ITGA8: variants seen among roughly 807,000 people sequenced by gnomAD.
The protein encoded by ITGA8 is integrin subunit alpha 8.
A neutral mutation model predicts 142.3 loss-of-function variants in ITGA8; 91 were observed. The observed-to-expected ratio is 0.64, with a 90% CI of 0.54 to 0.76. The LOEUF is 0.76. ITGA8 is among the 30% of genes least tolerant of loss of function. ITGA8 has a pLI of 0.00. For missense variants in ITGA8, 1,406 were observed against 1,327.7 expected (o/e 1.06, Z -0.92); for synonymous variants, 505 against 485.2 (o/e 1.04, Z -0.54).
At chr10:15,705,193 G>A (rs192755866) in intron 2 of ITGA8, among the ~76,000 whole-genome samples, 27 of 152,194 alleles carry the variant, frequency 1.8e-4, no homozygotes, top group African/African-American at 6.5e-4. Flanking sequence ...AAGGCAAAAG[G>A]TTACTTATCC....
Position 15,719,834 on chromosome 10 carries a change from A to G in ITGA8, c.-63T>C, listed in dbSNP as rs1835531163. ...GCGAGCCGAGGACCCCTGCGGGGCA[A>G]GGGGGGCTGGTGGAATCTGGCGGTC... On this transcript the variant is annotated 5_prime_UTR_variant, in exon 1 of 30. Coordinates refer to ENST00000378076, the MANE Select transcript of ITGA8 (RefSeq NM_003638.3). 4 of 1,175,194 alleles carry G rather than the reference A, an allele frequency of 3.4e-6. No homozygotes were observed. Among genetic ancestry groups the G allele is most frequent in the African/African-American group, 1.6e-5 (1 of 62,410 alleles). 72.8% of individuals were successfully genotyped at this position (1,175,194 alleles called of 1,614,324 possible). A position where few individuals can be genotyped will look rare whatever the true frequency, so the allele number is the denominator to read the frequency against.
chr10:15,623,604 T>C (rs945850272), intron 13 of ITGA8, among the ~76,000 whole-genome samples: 8 of 152,116 alleles, frequency 5.3e-5, no homozygotes, highest in African/African-American at 1.7e-4. Flanking sequence ...GGGAATCGCT[T>C]GAACCCAGGA....
chr10:15,691,196 T>C (rs765913505), intron 2 of ITGA8, among the ~76,000 whole-genome samples: 5 of 152,072 alleles, frequency 3.3e-5, no homozygotes, highest in African/African-American at 4.8e-5. Flanking sequence ...AGATAACAAG[T>C]GTTGTGGAGG....
intron 8 of ITGA8, among the ~76,000 whole-genome samples, chr10:15,667,813 A>G (rs1834425670): frequency 6.6e-6 from 1 of 151,958 alleles, no homozygotes; most frequent in African/African-American, 2.4e-5. Flanking sequence ...TTCAGTTTCC[A>G]TGTAGTTGAG....
chr10:15,670,828 T>A (rs1834500002), intron 8 of ITGA8, among the ~76,000 whole-genome samples: 1 of 152,192 alleles, frequency 6.6e-6, no homozygotes, highest in African/African-American at 2.4e-5. Flanking sequence ...GCCCAGACTT[T>A]GCTCGAAGCC....
At chr10:15,684,213 T>C (rs1403682963) in intron 3 of ITGA8, 86 bp from the exon 4 acceptor site, 1 of 1,394,496 alleles carries the variant, frequency 7.2e-7, no homozygotes, top group Admixed American at 2.3e-5. Context: ...TATAACAAAC[T>C]GTTAAATTAT....
chr10:15,562,145 C>A (rs1039416136), intron 25 of ITGA8, among the ~76,000 whole-genome samples: 1 of 152,152 alleles, frequency 6.6e-6, no homozygotes, highest in Non-Finnish European at 1.5e-5. Flanking sequence ...TGTGGGGGCA[C>A]AAAGCCTAAC....
chr10:15,615,592 C>T lies in ITGA8; in HGVS notation c.1445+922G>A, dbSNP rs553779225. Among the ~76,000 whole-genome samples the T allele has an allele frequency of 1.6e-3, 243 of 152,310 alleles. 2 individuals are homozygous for T. The highest frequency in any genetic ancestry group is 5.7e-3 in the African/African-American group (235 of 41,558). ...GCAGTGGCACAATCTCTGCTCACTACAACCTCGACCTCTCAGGGTCAAGTG... is the reference window on the plus strand; with the variant it reads ...GCAGTGGCACAATCTCTGCTCACTATAACCTCGACCTCTCAGGGTCAAGTG... On this transcript the variant is annotated intron_variant, in intron 14 of 29. Transcript: ENST00000378076.
At chr10:15,600,128 T>C (rs1309400948) in intron 20 of ITGA8, among the ~76,000 whole-genome samples, 1 of 152,246 alleles carries the variant, frequency 6.6e-6, no homozygotes. Context: ...ATTACTATTA[T>C]ACTTTAAGTT....
intron 27 of ITGA8, among the ~76,000 whole-genome samples, chr10:15,546,997 C>T (rs1283790476): frequency 6.6e-6 from 1 of 151,800 alleles, no homozygotes; most frequent in Non-Finnish European, 1.5e-5. Context: ...CATATTAAAT[C>T]ATAGAAAACA....
Position 15,678,771 on chromosome 10 carries a change from G to A in ITGA8, c.581C>T (p.Pro194Leu), listed in dbSNP as rs147097597. 1.8e-4 allele frequency: 285 copies of A among 1,605,670 alleles called. No individual in the cohort carries two copies. The highest frequency in any genetic ancestry group is 1.5e-4 in the Non-Finnish European group (180 of 1,172,964). ...TGCTTGGCAGTAACCCTGGCCTTCC[G>A]GATCAGCATTGCCTAGAACGATCAA... ...FSPCRNSNAD[P>L]EGQGYCQAGF... The change falls in exon 5 of 30, where the codon CCG becomes CTG. Residue 194 changes from proline (P) to leucine (L), a missense_variant. Transcript: ENST00000378076.
Position 15,515,867 on chromosome 10 carries a change from TAAATA to T in ITGA8, c.*1286_*1290del, listed in dbSNP as rs1443548255. The stretch of plus-strand genomic sequence containing the variant: ...AATTCAAGATGATGGGAAAATAGCT[TAAATA>T]AAAGATTATTCTCCAAAGTTACATA... On this transcript the variant is annotated 3_prime_UTR_variant, in exon 30 of 30. Transcript: ENST00000378076. 1 of 152,190 alleles carries T rather than the reference TAAATA, an allele frequency of 6.6e-6. No individual in the cohort carries two copies. The highest frequency in any genetic ancestry group is 1.5e-5 in the Non-Finnish European group (1 of 68,030). The allele number at this position is 152,190 out of a possible 1,614,324, so 9.4% of individuals were successfully genotyped here.
intron 15 of ITGA8, among the ~76,000 whole-genome samples, chr10:15,612,459 C>T (rs890794633): frequency 2.0e-5 from 3 of 152,184 alleles, no homozygotes; most frequent in South Asian, 2.1e-4. Context: ...ATATTAAACA[C>T]CCCAAGGATT....
intron 26 of ITGA8, among the ~76,000 whole-genome samples, chr10:15,556,294 G>A (rs1360516114): frequency 2.0e-5 from 3 of 152,018 alleles, no homozygotes; most frequent in Admixed American, 1.3e-4. Context: ...CTCCCAAAGC[G>A]CCGGGATTAT....
intron 2 of ITGA8, among the ~76,000 whole-genome samples, chr10:15,709,678 T>C (rs1368152282): frequency 1.3e-5 from 2 of 152,208 alleles, no homozygotes; most frequent in Non-Finnish European, 2.9e-5. Context: ...GCAGTATAAA[T>C]AGACTGTGAA....
intron 3 of ITGA8, among the ~76,000 whole-genome samples, chr10:15,687,437 C>G (rs998347808): frequency 6.6e-6 from 1 of 152,064 alleles, no homozygotes; most frequent in South Asian, 2.1e-4. Context: ...GAAAGATTAT[C>G]TATTTGAGAA....
chr10:15,521,433 C>T (rs1564334085), intron 28 of ITGA8, among the ~76,000 whole-genome samples: 1 of 152,130 alleles, frequency 6.6e-6, no homozygotes, highest in Admixed American at 6.6e-5. Flanking sequence ...GCAGCAGATG[C>T]TGATGACTCA....
chr10:15,521,610 C>A (rs1833072136), intron 28 of ITGA8, among the ~76,000 whole-genome samples: 1 of 152,154 alleles, frequency 6.6e-6, no homozygotes, highest in Non-Finnish European at 1.5e-5. Flanking sequence ...GTCATCATTA[C>A]ATTTTCTTCC....
intron 20 of ITGA8, among the ~76,000 whole-genome samples, chr10:15,603,240 C>T (rs1833134435): frequency 6.6e-6 from 1 of 152,062 alleles, no homozygotes; most frequent in African/African-American, 2.4e-5. Context: ...CTTTAAAATA[C>T]CAACATCACA....
Sources: allele counts gnomAD v4.1 joint callset (sites outside exome capture counted in the v4.1 genomes callset), GRCh38; gene constraint gnomAD v4.1.1; transcripts MANE v1.5; gene names NCBI Gene and HGNC (gene_info 2026-07-23, HGNC 2026-07-21).